SAMTOR: variants seen among roughly 807,000 people sequenced by gnomAD.
SAMTOR encodes UPF0532 protein C7orf60.
chr7:112,919,024 C>T, the SAMTOR span, among the ~76,000 whole-genome samples: 1 of 152,176 alleles, frequency 6.6e-6, no homozygotes, highest in Admixed American at 6.5e-5. Context: ...CCACTGTCAA[C>T]ATTAAACAGA....
chr7:112,862,964 T>G, the SAMTOR span, among the ~76,000 whole-genome samples: 6 of 151,576 alleles, frequency 4.0e-5, no homozygotes, highest in Admixed American at 1.3e-4. Flanking sequence ...CTCTAACCCT[T>G]TCTTAAGTTC....
the SAMTOR span, among the ~76,000 whole-genome samples, chr7:112,931,951 A>G: frequency 6.7e-6 from 1 of 148,492 alleles, no homozygotes; most frequent in Non-Finnish European, 1.5e-5. Flanking sequence ...TTCGGGATGG[A>G]GTCTCGTTCT....
At chr7:112,907,874 T>TTTATTTAC in the SAMTOR span, among the ~76,000 whole-genome samples, 1 of 151,768 alleles carries the variant, frequency 6.6e-6, no homozygotes, top group South Asian at 2.1e-4. Flanking sequence ...TATTTATTTA[T>TTTATTTAC]TTGCTGGTGA....
the SAMTOR span, among the ~76,000 whole-genome samples, chr7:112,907,212 G>GT: frequency 1.3e-5 from 2 of 152,260 alleles, no homozygotes; most frequent in East Asian, 3.9e-4. Context: ...AGTACATCAT[G>GT]TAAGTGTCAT....
the SAMTOR span, among the ~76,000 whole-genome samples, chr7:112,865,472 T>C: frequency 6.6e-6 from 1 of 151,990 alleles, no homozygotes; most frequent in African/African-American, 2.4e-5. Flanking sequence ...AAGACAGGGT[T>C]TCGCCATGTT....
the SAMTOR span, among the ~76,000 whole-genome samples, chr7:112,916,650 C>T: frequency 6.6e-6 from 1 of 152,164 alleles, no homozygotes; most frequent in African/African-American, 2.4e-5. Flanking sequence ...CACTGCCTCA[C>T]TTGGGAAGCG....
the SAMTOR span, among the ~76,000 whole-genome samples, chr7:112,841,309 C>A: frequency 6.6e-6 from 1 of 152,208 alleles, no homozygotes; most frequent in Admixed American, 6.5e-5. Flanking sequence ...AAAGCCAAAT[C>A]ATGAGTGAAC....
the SAMTOR span, among the ~76,000 whole-genome samples, chr7:112,825,247 G>A: frequency 2.6e-5 from 4 of 151,462 alleles, no homozygotes; most frequent in South Asian, 2.1e-4. Context: ...GGATGGTCTC[G>A]AACTTTTGGA....
At chr7:112,929,032 T>C in the SAMTOR span, among the ~76,000 whole-genome samples, 3 of 151,990 alleles carry the variant, frequency 2.0e-5, no homozygotes, top group Admixed American at 6.6e-5. Context: ...CCAGGACCAC[T>C]TGATTTTTAT....
chr7:112,863,184 A>G, the SAMTOR span, among the ~76,000 whole-genome samples: 1 of 152,352 alleles, frequency 6.6e-6, no homozygotes, highest in African/African-American at 2.4e-5. Context: ...AGCAATGGAG[A>G]AAGAATTCTC....
the SAMTOR span, chr7:112,819,911 A>T: frequency 6.6e-6 from 1 of 152,520 alleles, no homozygotes; most frequent in East Asian, 1.9e-4. Context: ...TACTACCAAA[A>T]TAGTTCAAAA....
chr7:112,884,014 A>G, the SAMTOR span, among the ~76,000 whole-genome samples: 1 of 152,152 alleles, frequency 6.6e-6, no homozygotes, highest in East Asian at 1.9e-4. Context: ...GCAGAAGGAG[A>G]AGCAAACACG....
the SAMTOR span, chr7:112,895,582 C>A: frequency 6.5e-7 from 1 of 1,549,628 alleles, no homozygotes; most frequent in Non-Finnish European, 8.8e-7. Flanking sequence ...GTTATAAATT[C>A]AGGGTTTGTA....
chr7:112,874,326 G>C, the SAMTOR span, among the ~76,000 whole-genome samples: 31,252 of 152,006 alleles, frequency 0.21, 3,694 homozygotes, highest in Middle Eastern at 0.38. Context: ...AAGAAAATGT[G>C]ATACATGTGT....
the SAMTOR span, among the ~76,000 whole-genome samples, chr7:112,875,031 T>G: frequency 6.6e-6 from 1 of 152,180 alleles, no homozygotes; most frequent in Admixed American, 6.5e-5. Flanking sequence ...CATGGCAGTA[T>G]CCGTGATCCA....
At chr7:112,851,139 A>T in the SAMTOR span, among the ~76,000 whole-genome samples, 1 of 152,210 alleles carries the variant, frequency 6.6e-6, no homozygotes, top group Non-Finnish European at 1.5e-5. Flanking sequence ...TGTTAAAATG[A>T]CTATACAGCC....
At chr7:112,842,867 T>C in the SAMTOR span, among the ~76,000 whole-genome samples, 2 of 152,006 alleles carry the variant, frequency 1.3e-5, no homozygotes, top group Admixed American at 6.6e-5. Context: ...TGATACACTT[T>C]ACTTCCACAT....
the SAMTOR span, among the ~76,000 whole-genome samples, chr7:112,875,850 A>G: frequency 6.6e-6 from 1 of 152,330 alleles, no homozygotes; most frequent in African/African-American, 2.4e-5. Context: ...AGCCTTCTCT[A>G]AAGTTCCACA....
the SAMTOR span, among the ~76,000 whole-genome samples, chr7:112,823,520 G>C: frequency 4.3e-4 from 66 of 152,222 alleles, no homozygotes; most frequent in African/African-American, 1.5e-3. Context: ...ATTGCAGAAT[G>C]GTATCCCATT....
Sources: gnomAD v4.1 joint callset for allele counts (sites outside exome capture counted in the v4.1 genomes callset) on GRCh38, gnomAD v4.1.1 for gene constraint, MANE v1.5 for transcripts, NCBI Gene and HGNC (gene_info 2026-07-23, HGNC 2026-07-21) for gene names.